Variants in DPYSL3 observed in about 807,000 individuals in gnomAD.
DPYSL3 encodes dihydropyrimidinase like 3.
In DPYSL3, 16 loss-of-function variants were observed where a neutral mutation model predicts 66.1. The ratio of observed to expected loss-of-function variants is 0.24; its 90% CI spans 0.16 to 0.37. The LOEUF (loss-of-function observed/expected upper bound fraction) is 0.37, where lower values mean the gene tolerates loss of function less well. Ranked by LOEUF, DPYSL3 falls within the 10% of genes least tolerant of loss-of-function variation. The probability of loss-of-function intolerance (pLI) is 1.00; values close to 1 mark genes in which losing one functional copy is unlikely to be tolerated. For synonymous variants in DPYSL3, 338 were observed against 345.1 expected (o/e 0.98, Z 0.23); for missense variants, 738 against 916.2 (o/e 0.81, Z 2.51).
At chr5:147,398,982 A>G (rs1758081311) in intron 11 of DPYSL3, 100 bp downstream of exon 11, 1 of 1,469,100 alleles carries the variant, frequency 6.8e-7, no homozygotes, top group African/African-American at 1.4e-5. Context: ...AACCCGTCCT[A>G]GTCTAACTAC....
chr5:147,424,272 T>C (rs1311707621), intron 2 of DPYSL3, among the ~76,000 whole-genome samples: 4 of 152,186 alleles, frequency 2.6e-5, no homozygotes, highest in African/African-American at 4.8e-5. Flanking sequence ...CTTTGCAGGG[T>C]AGTGTACTTT....
chr5:147,415,971 CT>C, intron 3 of DPYSL3, 98 bp from the exon 4 acceptor site: 1 of 1,335,812 alleles, frequency 7.5e-7, no homozygotes, highest in Non-Finnish European at 1.0e-6. Context: ...ACTGCAGAAT[CT>C]CTATTTCCTG....
chr5:147,487,409 G>A (rs555981086), intron 1 of DPYSL3, among the ~76,000 whole-genome samples: 22 of 152,266 alleles, frequency 1.4e-4, no homozygotes, highest in Non-Finnish European at 2.9e-4. Flanking sequence ...GTCTTGCTTA[G>A]TTATCGTAAC....
At chr5:147,434,028 C>CAAA (rs146353824) in intron 1 of DPYSL3, among the ~76,000 whole-genome samples, 20 of 137,668 alleles carry the variant, frequency 1.5e-4, no homozygotes, top group Admixed American at 5.1e-4. Flanking sequence ...AACTCCGTCT[C>CAAA]AAAAAAAAAA....
At chr5:147,481,618 T>A (rs1367972290) in intron 1 of DPYSL3, among the ~76,000 whole-genome samples, 1 of 152,198 alleles carries the variant, frequency 6.6e-6, no homozygotes, top group Non-Finnish European at 1.5e-5. Flanking sequence ...AATGCAACAG[T>A]GCCTGAAGGT....
rs1752016143 is a variant in DPYSL3 at position 147,418,490 on chromosome 5, G to A, written c.612C>T (p.Phe204=). Residue 204 remains phenylalanine, a synonymous_variant, in exon 3 of 14, where the codon TTC becomes TTT. Coordinates refer to ENST00000343218, the MANE Select transcript of DPYSL3 (RefSeq NM_001197294.2). ...CTGCTAAGGCCGCCTTTGTCCCTTG[G>A]AAGAAGTCATCTACTGTGGTCATTC... ...YKGMTTVDDF[F]QGTKAALAGG... 6.2e-7 allele frequency: 1 copy of A among 1,613,204 alleles called. No homozygotes were observed. The highest frequency in any genetic ancestry group is 8.5e-7 in the Non-Finnish European group (1 of 1,179,512).
intron 1 of DPYSL3, among the ~76,000 whole-genome samples, chr5:147,475,858 GATC>G (rs1220016289): frequency 1.3e-5 from 2 of 152,108 alleles, no homozygotes; most frequent in Non-Finnish European, 2.9e-5. Flanking sequence ...TTTGGATTAA[GATC>G]ATGATCACAA....
intron 12 of DPYSL3, among the ~76,000 whole-genome samples, chr5:147,396,501 C>T (rs146556543): frequency 5.2e-4 from 79 of 152,284 alleles, no homozygotes; most frequent in African/African-American, 1.7e-3. Flanking sequence ...AATGAGGACG[C>T]GCTGCCAGAG....
At chr5:147,500,217 T>C (rs533763557) in intron 1 of DPYSL3, among the ~76,000 whole-genome samples, 1 of 152,308 alleles carries the variant, frequency 6.6e-6, no homozygotes, top group South Asian at 2.1e-4. Context: ...GCAAAACATA[T>C]TGTCAAAAGA....
chr5:147,412,612 G>A lies in DPYSL3; in HGVS notation c.959C>T (p.Ala320Val). 6.2e-7 allele frequency: 1 copy of A among 1,611,990 alleles called. No individual in the cohort carries two copies. Among genetic ancestry groups the A allele is most frequent in the Non-Finnish European group, 8.5e-7 (1 of 1,179,068 alleles). ...CAGGGAGCTGCACGGTGTTACCTGGGCAATGATATCCCCATTCTCAGCATG... is the reference window on the plus strand; with the variant it reads ...CAGGGAGCTGCACGGTGTTACCTGGACAATGATATCCCCATTCTCAGCATG... ...QVHAENGDIIAQEQTRMLEMG... is the reference protein window; with the variant it reads ...QVHAENGDIIVQEQTRMLEMG... Residue 320 changes from alanine to valine, a missense_variant, in exon 6 of 14, where the codon GCC (alanine) becomes GTC (valine). Ala to Val is a moderately conservative substitution (Grantham distance 64). Coordinates refer to ENST00000343218, the MANE Select transcript of DPYSL3 (RefSeq NM_001197294.2).
chr5:147,409,153 GC>G (rs1234308789), intron 6 of DPYSL3, among the ~76,000 whole-genome samples: 35 of 152,186 alleles, frequency 2.3e-4, no homozygotes, highest in African/African-American at 8.4e-4. Flanking sequence ...TGCTCTTTAA[GC>G]CATTTCACTC....
At chr5:147,428,931 T>A (rs942811767) in intron 1 of DPYSL3, among the ~76,000 whole-genome samples, 11 of 152,016 alleles carry the variant, frequency 7.2e-5, no homozygotes, top group Admixed American at 2.0e-4. Context: ...AACAAACCTG[T>A]GCATCCCGTA....
At chr5:147,468,789 T>C (rs995066523) in intron 1 of DPYSL3, among the ~76,000 whole-genome samples, 1 of 152,160 alleles carries the variant, frequency 6.6e-6, no homozygotes, top group Non-Finnish European at 1.5e-5. Flanking sequence ...GTTTGTTACA[T>C]ATGTATACAT....
intron 1 of DPYSL3, among the ~76,000 whole-genome samples, chr5:147,440,949 C>T (rs931329932): frequency 2.0e-5 from 3 of 152,116 alleles, no homozygotes. Flanking sequence ...ACTTTCTGAG[C>T]TTCAATTTCC....
At chr5:147,503,495 G>A (rs940624333) in intron 1 of DPYSL3, among the ~76,000 whole-genome samples, 4 of 151,926 alleles carry the variant, frequency 2.6e-5, no homozygotes, top group Non-Finnish European at 5.9e-5. Flanking sequence ...AGTGTTCTAC[G>A]TTGCCCAGTC....
In DPYSL3 at chr5:147,399,202, G is replaced by A. The variant is rs767191885; in HGVS notation, c.1503C>T (p.Asn501=). The change falls in exon 11 of 14, where the codon AAC becomes AAT. Residue 501 remains asparagine, a synonymous_variant. Transcript: ENST00000343218. ...ENQFVAVTST[N]AAKIFNLYPR... is the part of the protein sequence containing the mutation. ...GATACAGGTTGAAGATCTTGGCAGC[G>A]TTTGTGCTTGTCACAGCCACGAACT... 1.8e-5 allele frequency: 29 copies of A among 1,614,136 alleles called. No individual in the cohort carries two copies. The highest frequency in any genetic ancestry group is 6.7e-5 in the African/African-American group (5 of 75,046).
chr5:147,501,482 T>TTA (rs1191708689), intron 1 of DPYSL3, among the ~76,000 whole-genome samples: 1 of 143,540 alleles, frequency 7.0e-6, no homozygotes, highest in Admixed American at 6.9e-5. Context: ...ATAATGATTT[T>TTA]TTTTTTTTTT....
Position 147,453,134 on chromosome 5 carries a change from G to A in DPYSL3, c.382-28171C>T, listed in dbSNP as rs148227691. 2.3e-3 allele frequency among the ~76,000 whole-genome samples: 354 copies of A among 152,162 alleles called. 3 individuals are homozygous for A. The highest frequency in any genetic ancestry group is 0.017 in the South Asian group (81 of 4,810). ...CGGTCGGGCTGCCAAGTACCCCTGG[G>A]GAAAGGTGTCATCTCTCCAAACCCA... is the stretch of plus-strand genomic sequence containing the variant. On this transcript the variant is annotated intron_variant, in intron 1 of 13. Transcript: ENST00000343218.
chr5:147,427,186 G>A (rs1752213419), intron 1 of DPYSL3, among the ~76,000 whole-genome samples: 1 of 152,136 alleles, frequency 6.6e-6, no homozygotes, highest in Admixed American at 6.5e-5. Context: ...TTTCCTCCAC[G>A]ATGTGTGACC....
Sources: gnomAD v4.1 joint callset for allele counts (sites outside exome capture counted in the v4.1 genomes callset) on GRCh38, gnomAD v4.1.1 for gene constraint, MANE v1.5 for transcripts, NCBI Gene and HGNC (gene_info 2026-07-23, HGNC 2026-07-21) for gene names.